Variants in MLLT10 observed in about 807,000 individuals in gnomAD.
The protein encoded by MLLT10 is protein AF-10.
Under a neutral mutation model 129.1 loss-of-function variants are expected in MLLT10, and 30 were observed. The observed-to-expected ratio is 0.23, with a 90% CI of 0.17 to 0.32. MLLT10 has a LOEUF of 0.32. MLLT10 is among the 10% of genes least tolerant of loss of function. The pLI, the probability that MLLT10 is intolerant of heterozygous loss-of-function variation, is 1.00. For missense variants in MLLT10, 1,119 were observed against 1,268.3 expected, an observed-to-expected ratio of 0.88 and a Z score of 1.79; for synonymous variants, 490 against 446.4, an observed-to-expected ratio of 1.10 and a Z score of -1.23.
At chr10:21,644,212 C>G (rs2048274265) in intron 8 of MLLT10, among the ~76,000 whole-genome samples, 1 of 152,060 alleles carries the variant, frequency 6.6e-6, no homozygotes, top group Non-Finnish European at 1.5e-5. Flanking sequence ...ATGTATGCTT[C>G]TAGGTTGTGA....
chr10:21,556,643 A>G (rs748366218), intron 3 of MLLT10: 1 of 1,607,616 alleles, frequency 6.2e-7, no homozygotes, highest in East Asian at 2.2e-5. Context: ...TGCTTTTCAG[A>G]TGGTATGCAA....
At chr10:21,642,187 T>TG (rs1473110890) in intron 8 of MLLT10, among the ~76,000 whole-genome samples, 2 of 144,132 alleles carry the variant, frequency 1.4e-5, no homozygotes, top group African/African-American at 5.2e-5. Flanking sequence ...CCAGTCTCTA[T>TG]GAAAAATAAC....
intron 2 of MLLT10, among the ~76,000 whole-genome samples, chr10:21,535,634 G>A (rs2033832605): frequency 6.6e-6 from 1 of 152,236 alleles, no homozygotes; most frequent in African/African-American, 2.4e-5. Flanking sequence ...TCTGGCCTTT[G>A]AAGTGGCCGA....
chr10:21,549,921 G>C (rs1434543434), intron 3 of MLLT10, among the ~76,000 whole-genome samples: 1 of 152,176 alleles, frequency 6.6e-6, no homozygotes. Flanking sequence ...TTACAGGCGT[G>C]AGCCATCGCG....
chr10:21,714,718 G>A (rs2056399227), intron 14 of MLLT10, among the ~76,000 whole-genome samples: 1 of 152,172 alleles, frequency 6.6e-6, no homozygotes, highest in Admixed American at 6.5e-5. Flanking sequence ...TTTGAGTAGA[G>A]GCAAGGTTTT....
intron 2 of MLLT10, among the ~76,000 whole-genome samples, chr10:21,537,560 G>A (rs1373684133): frequency 6.6e-6 from 1 of 152,116 alleles, no homozygotes. Context: ...CGCCACCCAA[G>A]TTCAAGTGAT....
At chr10:21,695,318 T>C (rs2054261086) in intron 13 of MLLT10, among the ~76,000 whole-genome samples, 1 of 152,156 alleles carries the variant, frequency 6.6e-6, no homozygotes, top group African/African-American at 2.4e-5. Context: ...CAAAGGCTCA[T>C]GTGATTACAT....
intron 21 of MLLT10, among the ~76,000 whole-genome samples, chr10:21,737,782 C>A (rs538155031): frequency 7.2e-5 from 11 of 152,236 alleles, no homozygotes; most frequent in Admixed American, 6.5e-4. Flanking sequence ...TAGCACTCTT[C>A]ATTCAGTTGG....
chr10:21,734,223 A>G (rs2058176201), intron 20 of MLLT10, 94 bp downstream of exon 20: 2 of 1,450,348 alleles, frequency 1.4e-6, no homozygotes, highest in Non-Finnish European at 1.8e-6. Context: ...GTTCCTTTGT[A>G]GATACACCTT....
At position 21,625,515 on chromosome 10, in the gene MLLT10, T is replaced by C. The variant is rs1221061536; in HGVS notation, c.699+8308T>C. The C allele has an allele frequency of 8.9e-6, 8 of 903,226 alleles. No individual in the cohort carries two copies. The Admixed American group carries it at 1.0e-4, about 12-fold the overall frequency. The allele number at this position is 903,226 out of a possible 1,614,324, so 56.0% of individuals were successfully genotyped here. A position where few individuals can be genotyped will look rare whatever the true frequency, so the allele number is the denominator to read the frequency against. The stretch of plus-strand genomic sequence containing the variant: ...CTGTAACTACATTTCCCCATACTTT[T>C]ACTTTTCCAGCATCTGGCTTGTACT... On this transcript the variant is annotated intron_variant, in intron 8 of 22. Coordinates refer to ENST00000307729, the MANE Select transcript of MLLT10 (RefSeq NM_001195626.3).
chr10:21,537,585 C>T (rs2034279495), intron 2 of MLLT10, among the ~76,000 whole-genome samples: 1 of 152,154 alleles, frequency 6.6e-6, no homozygotes, highest in African/African-American at 2.4e-5. Flanking sequence ...CTGCCTCAGC[C>T]TCCCAAGTAG....
intron 8 of MLLT10, among the ~76,000 whole-genome samples, 162 bp from the exon 9 acceptor site, chr10:21,651,511 C>T (rs2049030871): frequency 6.6e-6 from 1 of 152,160 alleles, no homozygotes; most frequent in Admixed American, 6.5e-5. Flanking sequence ...AAGAAACTCA[C>T]ACTAGTATTA....
Position 21,735,126 on chromosome 10 carries a change from AATC to A in MLLT10, c.2859-10_2859-8del. On this transcript the variant is annotated splice_polypyrimidine_tract_variant and intron_variant, in intron 20 of 22. Transcript: ENST00000307729. ...GTGTGTAGTAAAAAGTAAGAATTGT[AATC>A]ATTTTTCAGTGCCTCAGGACTAGGA... 6.2e-7 allele frequency: 1 copy of A among 1,600,190 alleles called. No homozygotes were observed. Among genetic ancestry groups the A allele is most frequent in the Non-Finnish European group, 8.5e-7 (1 of 1,169,930 alleles).
intron 5 of MLLT10, among the ~76,000 whole-genome samples, chr10:21,608,003 A>G (rs1589208294): frequency 6.7e-6 from 1 of 148,150 alleles, no homozygotes; most frequent in Non-Finnish European, 1.5e-5. Flanking sequence ...CTTGATTTAC[A>G]GGTGTTTTTT....
chr10:21,742,087 C>G lies in MLLT10; in HGVS notation c.*104C>G. On this transcript the variant is annotated 3_prime_UTR_variant, in exon 23 of 23. Transcript: ENST00000307729. ...AGCTATGAAGAAACGCAACAAGAAA[C>G]TCAATGCACAACAAAGGATTAATTG... is the stretch of plus-strand genomic sequence containing the variant. 1 of 980,964 alleles carries G rather than the reference C, an allele frequency of 1.0e-6. No homozygotes were observed. The highest frequency in any genetic ancestry group is 1.6e-6 in the Non-Finnish European group (1 of 633,800). The allele number at this position is 980,964 out of a possible 1,614,324, so 60.8% of individuals were successfully genotyped here.
rs1833750628 is a variant in MLLT10, at chr10:21,742,094, C to T, written c.*111C>T. The T allele has an allele frequency of 4.3e-6, 4 of 925,436 alleles. No individual in the cohort carries two copies. Among genetic ancestry groups the T allele is most frequent in the Non-Finnish European group, 5.1e-6 (3 of 589,516 alleles). 57.3% of individuals were successfully genotyped at this position (925,436 alleles called of 1,614,324 possible). On this transcript the variant is annotated 3_prime_UTR_variant, in exon 23 of 23. Transcript: ENST00000307729. ...AAGAAACGCAACAAGAAACTCAATG[C>T]ACAACAAAGGATTAATTGCTGCAAG...
At chr10:21,560,042 G>T (rs1273453253) in intron 3 of MLLT10, among the ~76,000 whole-genome samples, 1 of 151,562 alleles carries the variant, frequency 6.6e-6, no homozygotes, top group Non-Finnish European at 1.5e-5. Context: ...TTTCACTCTT[G>T]TTGCCCACGC....
intron 11 of MLLT10, among the ~76,000 whole-genome samples, chr10:21,678,095 GCTTTT>G (rs202146373): frequency 1.8e-4 from 28 of 152,048 alleles, no homozygotes; most frequent in Middle Eastern, 3.4e-3. Flanking sequence ...TATTTGTAAA[GCTTTT>G]CTTTTCTTTT....
At chr10:21,679,760 A>G (rs2052550339) in intron 11 of MLLT10, among the ~76,000 whole-genome samples, 1 of 152,174 alleles carries the variant, frequency 6.6e-6, no homozygotes, top group East Asian at 1.9e-4. Flanking sequence ...AGATTTTGGA[A>G]TACTTGCATT....
Sources: allele counts gnomAD v4.1 joint callset (sites outside exome capture counted in the v4.1 genomes callset), GRCh38; gene constraint gnomAD v4.1.1; transcripts MANE v1.5; gene names NCBI Gene and HGNC (gene_info 2026-07-23, HGNC 2026-07-21).